The following CSMD1 variants were observed in gnomAD, a reference collection of about 807,000 sequenced individuals.
The protein encoded by CSMD1 is CUB and sushi domain-containing protein 1.
CSMD1 carries 213 observed loss-of-function variants against 417.5 expected under a neutral mutation model. The observed-to-expected ratio is 0.51, with a 90% CI of 0.46 to 0.57. The LOEUF (loss-of-function observed/expected upper bound fraction) is 0.57. Among genes scored for constraint, CSMD1 ranks in the 20% least tolerant of loss-of-function variants. The pLI is 0.00. For missense variants in CSMD1, 6,923 were observed against 4,529.7 expected (o/e 1.53, Z -15.17); for synonymous variants, 2,862 against 1,736.8 (o/e 1.65, Z -16.11).
At chr8:4,327,207 C>G (rs1041998593) in intron 3 of CSMD1, among the ~76,000 whole-genome samples, 2 of 152,170 alleles carry the variant, frequency 1.3e-5, no homozygotes, top group African/African-American at 4.8e-5. Flanking sequence ...CATTACATAT[C>G]TTTAAAAATG....
At chr8:4,503,260 G>A (rs1021913332) in intron 2 of CSMD1, among the ~76,000 whole-genome samples, 5 of 152,008 alleles carry the variant, frequency 3.3e-5, no homozygotes, top group Non-Finnish European at 7.4e-5. Flanking sequence ...CTTTGCCATG[G>A]CAGCCTGCTT....
At chr8:3,457,490 A>G (rs1197510066) in intron 12 of CSMD1, among the ~76,000 whole-genome samples, 2 of 152,196 alleles carry the variant, frequency 1.3e-5, no homozygotes, top group African/African-American at 4.8e-5. Flanking sequence ...TCTAAAAGAA[A>G]CGCATTGGAG....
intron 5 of CSMD1, among the ~76,000 whole-genome samples, chr8:3,770,943 AAT>A (rs1798536021): frequency 6.6e-6 from 1 of 152,142 alleles, no homozygotes; most frequent in Admixed American, 6.5e-5. Context: ...CTCCGAATTC[AAT>A]AGGAGGTAAG....
In CSMD1 at chr8:3,581,272, A is replaced by G. The variant is rs1282153635; in HGVS notation, c.1222+4864T>C. Reference sequence around the variant, plus strand: ...AGTTAAAGATACTCATACAGTTTTAAACAGCTCGTAATGTCTTACCCTGCA... The same window carrying G: ...AGTTAAAGATACTCATACAGTTTTAGACAGCTCGTAATGTCTTACCCTGCA... On this transcript the variant is annotated intron_variant, in intron 9 of 69. Coordinates refer to ENST00000635120, the MANE Select transcript of CSMD1 (RefSeq NM_033225.6). Among the ~76,000 whole-genome samples the G allele has an allele frequency of 2.6e-5, 4 of 152,240 alleles. No homozygotes were observed. The East Asian group carries it at 7.7e-4, about 29-fold the overall frequency.
chr8:4,825,445 G>A (rs1035431457), intron 1 of CSMD1, among the ~76,000 whole-genome samples: 6 of 152,068 alleles, frequency 3.9e-5, no homozygotes, highest in Non-Finnish European at 8.8e-5. Context: ...CAGTTTTCTA[G>A]AACTTACTCA....
chr8:4,109,288 G>A (rs1585331062), intron 3 of CSMD1, among the ~76,000 whole-genome samples: 1 of 152,200 alleles, frequency 6.6e-6, no homozygotes, highest in East Asian at 1.9e-4. Flanking sequence ...ACACAGATAT[G>A]AAGGAGCAGC....
At chr8:4,321,488 GACAA>G (rs1408765337) in intron 3 of CSMD1, among the ~76,000 whole-genome samples, 2 of 152,204 alleles carry the variant, frequency 1.3e-5, no homozygotes, top group Non-Finnish European at 2.9e-5. Flanking sequence ...ATGCAAGTTA[GACAA>G]ACAAACCCAC....
chr8:3,485,293 G>C (rs549841000), intron 11 of CSMD1, among the ~76,000 whole-genome samples: 46 of 152,218 alleles, frequency 3.0e-4, no homozygotes, highest in African/African-American at 1.1e-3. Flanking sequence ...AATCATAGAA[G>C]GTAACACACT....
chr8:3,769,091 T>G (rs887867044), intron 5 of CSMD1, among the ~76,000 whole-genome samples: 1 of 152,232 alleles, frequency 6.6e-6, no homozygotes, highest in African/African-American at 2.4e-5. Flanking sequence ...TTGAGCAAAC[T>G]AATTAAAGAG....
chr8:4,288,130 A>G lies in CSMD1; in HGVS notation c.415+131823T>C, dbSNP rs553416688. Among the ~76,000 whole-genome samples, 105 of 152,300 alleles carry G rather than the reference A, an allele frequency of 6.9e-4. 2 individuals are homozygous for G. The South Asian group carries it at 0.02, about 29-fold the overall frequency. ...TGCTAGCCATGCTTTCTGTTCCTGC[A>G]GCATTAAAGTTTGACTGAGAAAAGA... On this transcript the variant is annotated intron_variant, in intron 3 of 69. Transcript: ENST00000635120.
intron 1 of CSMD1, among the ~76,000 whole-genome samples, chr8:4,745,908 C>G (rs1320696868): frequency 8.5e-5 from 13 of 152,192 alleles, no homozygotes; most frequent in South Asian, 4.1e-4. Flanking sequence ...TCCGTGCAAT[C>G]AAGTCAGCTA....
rs182004462 is a variant in CSMD1, at chr8:3,838,727, A to G, written c.819-84685T>C. Among the ~76,000 whole-genome samples the G allele has an allele frequency of 6.1e-4, 12 of 19,770 alleles. No homozygotes were observed. In the East Asian group the frequency reaches 9.6e-3, roughly 16 times the overall value. 13.0% of individuals were successfully genotyped at this position (19,770 alleles called of 152,430 possible). Reference sequence around the variant, plus strand: ...TATATAGTATAATATATAATAAATTAATATTATATAGTATAATATATAATA... The same window carrying G: ...TATATAGTATAATATATAATAAATTGATATTATATAGTATAATATATAATA... On this transcript the variant is annotated intron_variant, in intron 5 of 69. Coordinates refer to ENST00000635120, the MANE Select transcript of CSMD1 (RefSeq NM_033225.6).
At chr8:4,249,908 G>C (rs1802951024) in intron 3 of CSMD1, among the ~76,000 whole-genome samples, 1 of 152,120 alleles carries the variant, frequency 6.6e-6, no homozygotes, top group Admixed American at 6.5e-5. Flanking sequence ...CTAGAAGCTG[G>C]GAGCTCCTGG....
intron 2 of CSMD1, among the ~76,000 whole-genome samples, chr8:4,502,341 C>A (rs1331620273): frequency 6.6e-6 from 1 of 152,068 alleles, no homozygotes; most frequent in Non-Finnish European, 1.5e-5. Flanking sequence ...GATACAATGG[C>A]AATTCTATAA....
intron 3 of CSMD1, among the ~76,000 whole-genome samples, chr8:4,303,382 T>G (rs1798081483): frequency 6.6e-6 from 1 of 150,488 alleles, no homozygotes; most frequent in East Asian, 2.0e-4. Context: ...ATTTATTAAT[T>G]TTTTATTCAT....
rs71523606 is a variant in CSMD1 at position 4,095,415 on chromosome 8, A to T, written c.416-63316T>A. On this transcript the variant is annotated intron_variant, in intron 3 of 69. Transcript: ENST00000635120. ...AAAGTAAAAAAGAAAAAAAAATGAC[A>T]ATAGTGCAGCTAGTGATTGTAGTTC... Among the ~76,000 whole-genome samples the T allele has an allele frequency of 3.3e-5, 5 of 152,246 alleles. No homozygotes were observed. In the East Asian group the frequency reaches 9.6e-4, roughly 29 times the overall value.
At chr8:3,810,363 A>C (rs913387282) in intron 5 of CSMD1, among the ~76,000 whole-genome samples, 3 of 152,204 alleles carry the variant, frequency 2.0e-5, no homozygotes. Context: ...ACAAAAATCA[A>C]AATGGGATTT....
chr8:3,986,014 G>C (rs1814295070), intron 5 of CSMD1, among the ~76,000 whole-genome samples: 1 of 151,604 alleles, frequency 6.6e-6, no homozygotes, highest in African/African-American at 2.4e-5. Flanking sequence ...CCACTCCCCT[G>C]CTTCTCTTTG....
At chr8:2,959,994 G>A (rs907526424) in intron 62 of CSMD1, among the ~76,000 whole-genome samples, 10 of 152,110 alleles carry the variant, frequency 6.6e-5, no homozygotes, top group Non-Finnish European at 1.5e-4. Context: ...CCCTATTAGT[G>A]TCATATGATA....
Sources: gnomAD v4.1 joint callset for allele counts (sites outside exome capture counted in the v4.1 genomes callset) on GRCh38, gnomAD v4.1.1 for gene constraint, MANE v1.5 for transcripts, NCBI Gene and HGNC (gene_info 2026-07-23, HGNC 2026-07-21) for gene names.